FSTL4: variants seen among roughly 807,000 people sequenced by gnomAD.
FSTL4 encodes the protein follistatin-related protein 4.
A neutral mutation model predicts 78.2 loss-of-function variants in FSTL4; 28 were observed. The ratio of observed to expected loss-of-function variants is 0.36; its 90% CI spans 0.27 to 0.49. The LOEUF (loss-of-function observed/expected upper bound fraction) is 0.49. Among genes scored for constraint, FSTL4 ranks in the 20% least tolerant of loss-of-function variants. The pLI is 0.98. For missense variants in FSTL4, 922 were observed against 1,084.9 expected, an observed-to-expected ratio of 0.85 and a Z score of 2.11; for synonymous variants, 422 against 440.5, an observed-to-expected ratio of 0.96 and a Z score of 0.53.
intron 4 of FSTL4, among the ~76,000 whole-genome samples, chr5:133,377,410 T>G (rs1275651461): frequency 6.6e-6 from 1 of 152,180 alleles, no homozygotes; most frequent in Non-Finnish European, 1.5e-5. Flanking sequence ...AGCAGTGGCT[T>G]GGAGATTTTG....
the FSTL4 span, among the ~76,000 whole-genome samples, chr5:133,760,820 A>G: frequency 6.6e-6 from 1 of 152,234 alleles, no homozygotes; most frequent in Non-Finnish European, 1.5e-5. Context: ...CCCACAGGCA[A>G]TATTTGCTCA....
chr5:133,347,578 C>T (rs951215084), intron 4 of FSTL4, among the ~76,000 whole-genome samples: 1 of 152,068 alleles, frequency 6.6e-6, no homozygotes, highest in Non-Finnish European at 1.5e-5. Flanking sequence ...AGGCTGGTCT[C>T]GAATTTCTGA....
the FSTL4 span, among the ~76,000 whole-genome samples, chr5:133,830,739 G>A: frequency 6.6e-6 from 1 of 152,132 alleles, no homozygotes; most frequent in Admixed American, 6.5e-5. Flanking sequence ...CCTCATTTAG[G>A]GGAGTCCTCG....
intron 3 of FSTL4, among the ~76,000 whole-genome samples, chr5:133,417,706 C>T (rs1202040279): frequency 1.3e-5 from 2 of 151,976 alleles, no homozygotes; most frequent in East Asian, 3.9e-4. Flanking sequence ...ACCTGTAATC[C>T]CAGCACTTTG....
At chr5:133,550,379 C>A (rs939508998) in intron 3 of FSTL4, among the ~76,000 whole-genome samples, 4 of 152,094 alleles carry the variant, frequency 2.6e-5, no homozygotes, top group Non-Finnish European at 5.9e-5. Context: ...CCAGTTAAAT[C>A]CAAGGCTTTC....
chr5:133,732,447 T>C, the FSTL4 span, among the ~76,000 whole-genome samples: 1 of 152,210 alleles, frequency 6.6e-6, no homozygotes, highest in Non-Finnish European at 1.5e-5. Flanking sequence ...GGAGCCTGTC[T>C]GTGCCACAGA....
chr5:133,778,098 G>A, the FSTL4 span, among the ~76,000 whole-genome samples: 1 of 152,188 alleles, frequency 6.6e-6, no homozygotes, highest in African/African-American at 2.4e-5. Flanking sequence ...CAGCATCCTC[G>A]AGGTCCTTGG....
At chr5:133,267,836 A>G (rs1052646097) in intron 6 of FSTL4, among the ~76,000 whole-genome samples, 11 of 151,922 alleles carry the variant, frequency 7.2e-5, no homozygotes, top group Non-Finnish European at 1.6e-4. Context: ...TAGGAGGCAA[A>G]CCCTCCTGAC....
the FSTL4 span, among the ~76,000 whole-genome samples, chr5:133,795,672 T>C: frequency 1.3e-5 from 2 of 152,358 alleles, no homozygotes; most frequent in South Asian, 4.1e-4. Flanking sequence ...CAGAGCATCT[T>C]AGAAGACTCT....
chr5:133,225,138 G>A lies in FSTL4; in HGVS notation c.1312+12C>T, dbSNP rs370668482. 26 of 1,614,130 alleles carry A rather than the reference G, an allele frequency of 1.6e-5. No individual in the cohort carries two copies. The highest frequency in any genetic ancestry group is 8.0e-5 in the African/African-American group (6 of 75,052). The stretch of plus-strand genomic sequence containing the variant: ...CCAGCTCAGTGAGAAGCATAAACGC[G>A]TGTCGACTTACGGGTCTTTCTAGCT... On this transcript the variant is annotated intron_variant, in intron 10 of 15. Coordinates refer to ENST00000265342, the MANE Select transcript of FSTL4 (RefSeq NM_015082.2). The surrounding 1 kb of genome is among the most constrained non-coding windows in gnomAD (Gnocchi z 4.6).
chr5:133,618,456 G>T, the FSTL4 span, among the ~76,000 whole-genome samples: 3 of 152,180 alleles, frequency 2.0e-5, no homozygotes, highest in Admixed American at 1.3e-4. Flanking sequence ...GAACAAACTG[G>T]ATAGAGAGGA....
At chr5:133,672,760 G>C in the FSTL4 span, among the ~76,000 whole-genome samples, 1 of 152,176 alleles carries the variant, frequency 6.6e-6, no homozygotes, top group South Asian at 2.1e-4. Context: ...GCTGGCTTCT[G>C]CTTCTCATCC....
intron 2 of FSTL4, among the ~76,000 whole-genome samples, chr5:133,581,600 T>C (rs1760410239): frequency 1.3e-5 from 2 of 152,358 alleles, no homozygotes; most frequent in South Asian, 4.1e-4. Context: ...GAATCAGTTA[T>C]TTCCCTTGAG....
At chr5:133,373,986 G>C (rs1478682423) in intron 4 of FSTL4, among the ~76,000 whole-genome samples, 3 of 152,184 alleles carry the variant, frequency 2.0e-5, no homozygotes, top group African/African-American at 7.2e-5. Context: ...CAGCAGCACA[G>C]ATGTGAGGGC....
the FSTL4 span, among the ~76,000 whole-genome samples, chr5:133,776,786 C>CACCAAGGTAGGTCCAAGGTAGAG: frequency 2.6e-5 from 4 of 152,164 alleles, no homozygotes; most frequent in African/African-American, 9.7e-5. Flanking sequence ...ACAGAGTTAG[C>CACCAAGGTAGGTCCAAGGTAGAG]ACCAAGGTAG....
At chr5:133,633,810 C>T in the FSTL4 span, among the ~76,000 whole-genome samples, 1 of 152,102 alleles carries the variant, frequency 6.6e-6, no homozygotes, top group South Asian at 2.1e-4. Context: ...TGTTACTCCC[C>T]AGTGGGTATA....
chr5:133,691,887 C>T, the FSTL4 span, among the ~76,000 whole-genome samples: 1 of 152,224 alleles, frequency 6.6e-6, no homozygotes, highest in African/African-American at 2.4e-5. Context: ...GGAGCTGTAT[C>T]TTCACCACTC....
At chr5:133,746,007 AAAG>A in the FSTL4 span, among the ~76,000 whole-genome samples, 64 of 152,384 alleles carry the variant, frequency 4.2e-4, 1 homozygote, top group South Asian at 0.013. Context: ...CTCTCCTTTC[AAAG>A]AAGGACTCAT....
intron 13 of FSTL4, among the ~76,000 whole-genome samples, chr5:133,213,748 A>C (rs1329967299): frequency 6.6e-6 from 1 of 152,244 alleles, no homozygotes; most frequent in Non-Finnish European, 1.5e-5. Flanking sequence ...ATAGTAGATA[A>C]AAATCAACTA....
Sources: gnomAD v4.1 joint callset for allele counts (sites outside exome capture counted in the v4.1 genomes callset) on GRCh38, gnomAD v4.1.1 for gene constraint, Gnocchi (gnomAD v3.1) non-coding constraint, MANE v1.5 for transcripts, NCBI Gene and HGNC (gene_info 2026-07-23, HGNC 2026-07-21) for gene names.